The following PPHLN1 variants were observed in gnomAD, a reference collection of about 807,000 sequenced individuals.
PPHLN1 encodes the protein periphilin-1.
Under a neutral mutation model 51.3 loss-of-function variants are expected in PPHLN1, and 29 were observed. That is an observed-to-expected ratio of 0.57 (90% confidence interval 0.42 to 0.77). The LOEUF is 0.77. Among genes scored for constraint, PPHLN1 ranks in the 30% least tolerant of loss-of-function variants. PPHLN1 has a pLI of 0.00. For synonymous variants in PPHLN1, 147 were observed against 147.8 expected (o/e 0.99, Z 0.04); for missense variants, 436 against 438.4 (o/e 0.99, Z 0.05).
intron 5 of PPHLN1, among the ~76,000 whole-genome samples, chr12:42,382,609 G>C (rs147326095): frequency 6.6e-6 from 1 of 152,244 alleles, no homozygotes; most frequent in African/African-American, 2.4e-5. Context: ...ATGAGTGAAA[G>C]AGGCAGATTT....
chr12:42,416,117 A>G (rs979957760), intron 9 of PPHLN1, among the ~76,000 whole-genome samples: 1 of 152,204 alleles, frequency 6.6e-6, no homozygotes, highest in African/African-American at 2.4e-5. Context: ...ATCAACAATT[A>G]TCAGTCGTTT....
At chr12:42,328,612 A>C (rs1367859543) in intron 1 of PPHLN1, among the ~76,000 whole-genome samples, 1 of 152,252 alleles carries the variant, frequency 6.6e-6, no homozygotes, top group Non-Finnish European at 1.5e-5. Context: ...GGGATCTCCT[A>C]CTAAGTTTAG....
intron 4 of PPHLN1, among the ~76,000 whole-genome samples, chr12:42,358,610 T>G (rs1479635271): frequency 6.6e-6 from 1 of 152,230 alleles, no homozygotes; most frequent in African/African-American, 2.4e-5. Flanking sequence ...CTCACTTTAT[T>G]GCCTAGGATG....
At chr12:42,442,409 C>CCCTT (rs1284896278), downstream of PPHLN1, among the ~76,000 whole-genome samples, 30 of 152,174 alleles carry the variant, frequency 2.0e-4, no homozygotes, top group Admixed American at 2.0e-4. Context: ...CAGAAACCAA[C>CCCTT]CCTTGATCAG....
At chr12:42,396,814 G>A (rs1001016137) in intron 8 of PPHLN1, among the ~76,000 whole-genome samples, 8 of 150,258 alleles carry the variant, frequency 5.3e-5, no homozygotes, top group East Asian at 2.0e-4. Context: ...TGGGGACAGC[G>A]GGGCAGGTAT....
intron 5 of PPHLN1, among the ~76,000 whole-genome samples, chr12:42,377,521 C>T (rs1592544221): frequency 6.6e-6 from 1 of 152,062 alleles, no homozygotes; most frequent in Non-Finnish European, 1.5e-5. Context: ...CCAAGCTGGT[C>T]TCGAGCTCCT....
At chr12:42,428,867 T>C (rs1190530825) in intron 9 of PPHLN1, among the ~76,000 whole-genome samples, 2 of 151,248 alleles carry the variant, frequency 1.3e-5, no homozygotes, top group South Asian at 2.1e-4. Context: ...GTGACAGATA[T>C]CGTTTAGGGA....
chr12:42,363,078 C>T (rs1430649550), intron 4 of PPHLN1, among the ~76,000 whole-genome samples: 1 of 152,146 alleles, frequency 6.6e-6, no homozygotes, highest in Non-Finnish European at 1.5e-5. Flanking sequence ...AGAACTGACA[C>T]AAACATGCCA....
chr12:42,338,299 G>A (rs2070990891), intron 2 of PPHLN1, among the ~76,000 whole-genome samples: 1 of 152,148 alleles, frequency 6.6e-6, no homozygotes, highest in Non-Finnish European at 1.5e-5. Flanking sequence ...CCATCAACTG[G>A]GCACCAGTCT....
rs549234565 is a variant in PPHLN1, at chr12:42,343,594, GT to G, written c.72+7628del. On this transcript the variant is annotated intron_variant, in intron 2 of 9. Transcript: ENST00000358314. ...TTAGCTAGAGTGCAATTTTTTAATAGTTTTTTTTAATGGGAAAATTACATAC... is the reference window on the plus strand; with the variant it reads ...TTAGCTAGAGTGCAATTTTTTAATAGTTTTTTTAATGGGAAAATTACATAC... Among the ~76,000 whole-genome samples the G allele has an allele frequency of 3.4e-3, 516 of 151,978 alleles. 1 individual carries two copies. Among genetic ancestry groups the G allele is most frequent in the African/African-American group, 0.012 (477 of 41,478 alleles).
In PPHLN1 at chr12:42,337,101, A is replaced by G. The variant is rs370864059; in HGVS notation, c.72+1127A>G. Among the ~76,000 whole-genome samples the G allele has an allele frequency of 5.3e-5, 8 of 152,286 alleles. No homozygotes were observed. In the East Asian group the frequency reaches 7.7e-4, roughly 15 times the overall value. On this transcript the variant is annotated intron_variant, in intron 2 of 9. Transcript: ENST00000358314. Reference sequence around the variant, plus strand: ...TGAATTTGTAGACTTCATGTTTTCAATCAAAATCCCAATGTTTTTATTTAT... The same window carrying G: ...TGAATTTGTAGACTTCATGTTTTCAGTCAAAATCCCAATGTTTTTATTTAT...
chr12:42,355,146 T>C lies in PPHLN1; in HGVS notation c.238-15T>C. 1 of 1,612,096 alleles carries C rather than the reference T, an allele frequency of 6.2e-7. No individual in the cohort carries two copies. The highest frequency in any genetic ancestry group is 8.5e-7 in the Non-Finnish European group (1 of 1,178,622). ...TAATGTAAACAAATAGCTAAGTAGC[T>C]TTTTTATGTTACAGGATGAATCTGG... On this transcript the variant is annotated splice_polypyrimidine_tract_variant and intron_variant, in intron 3 of 9. Transcript: ENST00000358314.
At chr12:42,342,468 T>G (rs1483064911) in intron 2 of PPHLN1, among the ~76,000 whole-genome samples, 1 of 152,246 alleles carries the variant, frequency 6.6e-6, no homozygotes, top group African/African-American at 2.4e-5. Context: ...GGGTTCCAGC[T>G]TCTTAGCCTG....
At chr12:42,330,645 C>T (rs753794020) in intron 1 of PPHLN1, among the ~76,000 whole-genome samples, 3 of 152,200 alleles carry the variant, frequency 2.0e-5, no homozygotes, top group South Asian at 4.1e-4. Flanking sequence ...AGGGTTGGGG[C>T]TAAAGTTACA....
chr12:42,404,385 C>T (rs972326844), intron 9 of PPHLN1, among the ~76,000 whole-genome samples: 3 of 152,026 alleles, frequency 2.0e-5, no homozygotes, highest in African/African-American at 7.2e-5. Flanking sequence ...AAAAATTAGC[C>T]CAACATGGTG....
chr12:42,335,612 C>A (rs1369417239), intron 1 of PPHLN1, among the ~76,000 whole-genome samples: 1 of 151,182 alleles, frequency 6.6e-6, no homozygotes, highest in Non-Finnish European at 1.5e-5. Flanking sequence ...CACCAATTTC[C>A]TCCCATAATT....
At chr12:42,444,713 A>C, downstream of PPHLN1, 2 of 262,398 alleles carry the variant, frequency 7.6e-6, no homozygotes, top group Non-Finnish European at 1.4e-5. Flanking sequence ...CCCTATCTCT[A>C]GACCTTCAGA....
At chr12:42,412,799 T>A (rs1307082835) in intron 9 of PPHLN1, among the ~76,000 whole-genome samples, 1 of 152,202 alleles carries the variant, frequency 6.6e-6, no homozygotes, top group Non-Finnish European at 1.5e-5. Context: ...GTTTTTTGAC[T>A]TTTTAATAAT....
chr12:42,424,418 T>C (rs947004980), intron 9 of PPHLN1, among the ~76,000 whole-genome samples: 2 of 152,230 alleles, frequency 1.3e-5, no homozygotes, highest in Admixed American at 1.3e-4. Flanking sequence ...CCCACCTTCC[T>C]GCCATCCCTG....
Sources: allele counts gnomAD v4.1 joint callset (sites outside exome capture counted in the v4.1 genomes callset), GRCh38; gene constraint gnomAD v4.1.1; transcripts MANE v1.5; gene names NCBI Gene and HGNC (gene_info 2026-07-23, HGNC 2026-07-21).